KIF2A: variants seen among roughly 807,000 people sequenced by gnomAD.
KIF2A encodes kinesin family member 2A, also known as kinesin-like protein KIF2A.
KIF2A carries 22 observed loss-of-function variants against 100.2 expected under a neutral mutation model. The ratio of observed to expected loss-of-function variants is 0.22; its 90% CI spans 0.16 to 0.31. The LOEUF is 0.31. KIF2A is among the 10% of genes least tolerant of loss of function. The probability of loss-of-function intolerance (pLI) is 1.00; values close to 1 mark genes in which losing one functional copy is unlikely to be tolerated. For missense variants in KIF2A, 495 were observed against 898.7 expected (o/e 0.55, Z 5.74); for synonymous variants, 268 against 285.9 (o/e 0.94, Z 0.63).
intron 16 of KIF2A, among the ~76,000 whole-genome samples, chr5:62,368,670 G>C (rs1741193647): frequency 6.6e-6 from 1 of 151,882 alleles, no homozygotes; most frequent in Non-Finnish European, 1.5e-5. Context: ...CCAGCCACTT[G>C]GGGGGCTGAG....
At chr5:62,324,033 C>CA (rs33962692) in intron 1 of KIF2A, among the ~76,000 whole-genome samples, 78,044 of 149,766 alleles carry the variant, frequency 0.52, 21,020 homozygotes, top group South Asian at 0.65. Context: ...AACCCTGTCT[C>CA]AAAAAAAATA....
intron 7 of KIF2A, among the ~76,000 whole-genome samples, chr5:62,357,026 TC>T (rs1748145676): frequency 6.6e-6 from 1 of 151,750 alleles, no homozygotes; most frequent in Non-Finnish European, 1.5e-5. Flanking sequence ...CCTCAAGTGA[TC>T]CACCCACCTT....
At chr5:62,314,667 A>C (rs1745721038) in intron 1 of KIF2A, among the ~76,000 whole-genome samples, 1 of 151,354 alleles carries the variant, frequency 6.6e-6, no homozygotes, top group Non-Finnish European at 1.5e-5. Flanking sequence ...ATTAATTTTG[A>C]CCACATTTTA....
chr5:62,317,743 T>A (rs551289021), intron 1 of KIF2A, among the ~76,000 whole-genome samples: 1 of 152,230 alleles, frequency 6.6e-6, no homozygotes, highest in Non-Finnish European at 1.5e-5. Context: ...ATGTGTCCCT[T>A]CATCTGATTT....
intron 18 of KIF2A, among the ~76,000 whole-genome samples, chr5:62,376,837 T>C (rs1741573648): frequency 6.6e-6 from 1 of 152,150 alleles, no homozygotes; most frequent in Non-Finnish European, 1.5e-5. Context: ...ATATATTGTA[T>C]ATAGTTGTCC....
intron 9 of KIF2A, among the ~76,000 whole-genome samples, chr5:62,360,617 G>A (rs1342059516): frequency 6.6e-6 from 1 of 152,068 alleles, no homozygotes; most frequent in Non-Finnish European, 1.5e-5. Context: ...CCCGGGAGGC[G>A]GAGGTTGCAG....
At chr5:62,351,419 A>G (rs1747851718) in intron 4 of KIF2A, among the ~76,000 whole-genome samples, 1 of 152,176 alleles carries the variant, frequency 6.6e-6, no homozygotes, top group South Asian at 2.1e-4. Context: ...GAAGTTGAAC[A>G]GACATAAAAA....
In KIF2A at chr5:62,390,082, A is replaced by G. The variant is rs1742233893; in HGVS notation, c.*4513A>G. On this transcript the variant is annotated 3_prime_UTR_variant, in exon 21 of 21. Coordinates refer to ENST00000407818, the MANE Select transcript of KIF2A (RefSeq NM_001098511.3). The stretch of plus-strand genomic sequence containing the variant: ...TTATATAGAACTGTGTTTCCAGCTT[A>G]GAAAAAGTCAAACCAATGACTTTTA... Among the ~76,000 whole-genome samples the G allele has an allele frequency of 6.6e-6, 1 of 152,250 alleles. No individual in the cohort carries two copies. Among genetic ancestry groups the G allele is most frequent in the Non-Finnish European group, 1.5e-5 (1 of 68,036 alleles).
At chr5:62,315,395 A>C (rs765565386) in intron 1 of KIF2A, among the ~76,000 whole-genome samples, 3 of 152,182 alleles carry the variant, frequency 2.0e-5, no homozygotes, top group Non-Finnish European at 4.4e-5. Context: ...GTCACACATT[A>C]GTGATTCCAG....
chr5:62,314,767 T>TG (rs927224171), intron 1 of KIF2A, among the ~76,000 whole-genome samples: 1 of 147,308 alleles, frequency 6.8e-6, no homozygotes, highest in South Asian at 2.2e-4. Flanking sequence ...TGTTTTTTTT[T>TG]TTTTTTTTTT....
At chr5:62,309,466 T>C (rs1265135260) in intron 1 of KIF2A, among the ~76,000 whole-genome samples, 4 of 152,230 alleles carry the variant, frequency 2.6e-5, no homozygotes, top group Non-Finnish European at 5.9e-5. Context: ...TGTTTCACAA[T>C]AGAAATTGAT....
chr5:62,380,917 G>A (rs926540337), intron 19 of KIF2A, among the ~76,000 whole-genome samples: 1 of 152,060 alleles, frequency 6.6e-6, no homozygotes, highest in Admixed American at 6.6e-5. Flanking sequence ...CCACATAAGT[G>A]GACCCAAACA....
At chr5:62,379,706 A>T (rs1382295713) in intron 19 of KIF2A, among the ~76,000 whole-genome samples, 1 of 151,958 alleles carries the variant, frequency 6.6e-6, no homozygotes, top group African/African-American at 2.4e-5. Flanking sequence ...TTTTCTAATT[A>T]ATATGTTTCC....
At chr5:62,356,033 G>A (rs538374001) in intron 7 of KIF2A, among the ~76,000 whole-genome samples, 2 of 151,808 alleles carry the variant, frequency 1.3e-5, no homozygotes, top group African/African-American at 4.8e-5. Context: ...CACCCGCCTC[G>A]GTCTCCCAAA....
intron 1 of KIF2A, among the ~76,000 whole-genome samples, chr5:62,312,379 C>T (rs1045765342): frequency 1.3e-5 from 2 of 152,182 alleles, no homozygotes; most frequent in Non-Finnish European, 2.9e-5. Context: ...ACAAGATTCC[C>T]TGAGAGATCA....
chr5:62,337,028 A>T (rs1746988889), intron 1 of KIF2A, among the ~76,000 whole-genome samples: 2 of 151,702 alleles, frequency 1.3e-5, no homozygotes, highest in African/African-American at 4.9e-5. Flanking sequence ...TGAAAACAAT[A>T]AAAACTAATA....
rs192195694 is a variant in KIF2A, at chr5:62,334,464, C to A, written c.65-12666C>A. ...CCCACCATGCCCTGCCTACTACCTT[C>A]CTGGGCCAGCCCTCACTAAGTACCC... On this transcript the variant is annotated intron_variant, in intron 1 of 20. Transcript: ENST00000407818. Among the ~76,000 whole-genome samples, 17 of 151,928 alleles carry A rather than the reference C, an allele frequency of 1.1e-4. No homozygotes were observed. In the East Asian group the frequency reaches 3.1e-3, roughly 28 times the overall value.
intron 1 of KIF2A, among the ~76,000 whole-genome samples, chr5:62,307,547 G>A (rs976794940): frequency 6.6e-6 from 1 of 151,918 alleles, no homozygotes; most frequent in Non-Finnish European, 1.5e-5. Flanking sequence ...ATTTTCTTTC[G>A]GTACCAATAT....
intron 16 of KIF2A, among the ~76,000 whole-genome samples, chr5:62,370,137 G>C (rs188969842): frequency 3.9e-5 from 6 of 152,208 alleles, no homozygotes; most frequent in Non-Finnish European, 8.8e-5. Context: ...CGGTTAGACA[G>C]ATGTGAAAGC....
Sources: allele counts gnomAD v4.1 joint callset (sites outside exome capture counted in the v4.1 genomes callset), GRCh38; gene constraint gnomAD v4.1.1; transcripts MANE v1.5; gene names NCBI Gene and HGNC (gene_info 2026-07-23, HGNC 2026-07-21).